Variants in DSG2 observed in about 807,000 individuals in gnomAD.
DSG2 encodes the protein desmoglein 2.
A neutral mutation model predicts 75.6 loss-of-function variants in DSG2; 45 were observed. The ratio of observed to expected loss-of-function variants is 0.60; its 90% CI spans 0.47 to 0.76. The LOEUF (loss-of-function observed/expected upper bound fraction) is 0.76, where lower values mean the gene tolerates loss of function less well. Ranked by LOEUF, DSG2 falls within the 30% of genes least tolerant of loss-of-function variation. The pLI is 0.00. For synonymous variants in DSG2, 429 were observed against 483.9 expected (o/e 0.89, Z 1.49); for missense variants, 1,267 against 1,357.4 (o/e 0.93, Z 1.05).
chr18:31,516,957 G>A (rs2073097956), intron 1 of DSG2, among the ~76,000 whole-genome samples: 1 of 152,160 alleles, frequency 6.6e-6, no homozygotes, highest in African/African-American at 2.4e-5. Context: ...TGTGGCTGTG[G>A]AGCAACTGGA....
intron 1 of DSG2, among the ~76,000 whole-genome samples, chr18:31,503,925 G>A (rs9945031): frequency 0.56 from 85,347 of 152,022 alleles, 26,709 homozygotes; most frequent in African/African-American, 0.86. Flanking sequence ...AATTGGGCAC[G>A]TGTGAAGAAT....
At chr18:31,541,420 G>A in intron 13 of DSG2, 106 bp downstream of exon 13, 1 of 1,391,714 alleles carries the variant, frequency 7.2e-7, no homozygotes, top group South Asian at 1.2e-5. Flanking sequence ...TGATCACTAT[G>A]GATTTCACTC....
chr18:31,532,671 A>G (rs553059291), intron 9 of DSG2, among the ~76,000 whole-genome samples: 2 of 152,216 alleles, frequency 1.3e-5, no homozygotes, highest in South Asian at 2.1e-4. Flanking sequence ...TTGGCCCACT[A>G]TGGTCCTCTT....
rs3737375 is a variant in DSG2 at position 31,524,241 on chromosome 18, G to A, written c.691-207G>A. On this transcript the variant is annotated intron_variant, in intron 6 of 14. Coordinates refer to ENST00000261590, the MANE Select transcript of DSG2 (RefSeq NM_001943.5). ...TCACCAATGACTTATTGAAGAATTT[G>A]ACTATCTACAACTCCCGAGGCTTTT... Among the ~76,000 whole-genome samples, 34,808 of 152,000 alleles carry A rather than the reference G, an allele frequency of 0.23. 4,336 individuals are homozygous for A. Among genetic ancestry groups the A allele is most frequent in the East Asian group, 0.3 (1,531 of 5,180 alleles).
intron 14 of DSG2, among the ~76,000 whole-genome samples, chr18:31,543,880 A>AAT (rs1160997536): frequency 1.3e-5 from 2 of 151,804 alleles, no homozygotes; most frequent in Non-Finnish European, 2.9e-5. Context: ...AAAAAAAAAA[A>AAT]AAAAGTATAA....
intron 11 of DSG2, 91 bp from the exon 12 acceptor site, chr18:31,538,660 A>G: frequency 9.6e-7 from 1 of 1,039,058 alleles, no homozygotes; most frequent in Non-Finnish European, 1.5e-6. Context: ...GTTAAATACA[A>G]TCAGCAATGA....
intron 13 of DSG2, among the ~76,000 whole-genome samples, chr18:31,541,612 G>A (rs1232978420): frequency 6.6e-6 from 1 of 152,162 alleles, no homozygotes; most frequent in Non-Finnish European, 1.5e-5. Context: ...TAAATGGGCA[G>A]TTTTCATAAC....
At chr18:31,512,731 A>G (rs1037571369) in intron 1 of DSG2, among the ~76,000 whole-genome samples, 4 of 152,104 alleles carry the variant, frequency 2.6e-5, no homozygotes, top group South Asian at 2.1e-4. Context: ...CATACCATTC[A>G]CGTCTCTGTG....
intron 8 of DSG2, among the ~76,000 whole-genome samples, chr18:31,525,385 G>A (rs964405626): frequency 2.0e-5 from 3 of 152,040 alleles, no homozygotes; most frequent in African/African-American, 4.8e-5. Flanking sequence ...TGGGCATGGC[G>A]GCACATGCCT....
intron 14 of DSG2, chr18:31,543,126 G>C (rs1166662687): frequency 1.2e-5 from 4 of 330,710 alleles, no homozygotes; most frequent in South Asian, 7.6e-5. Flanking sequence ...CAGTCAGTCA[G>C]CTCTGCTTTC....
rs727502986 is a variant in DSG2 at position 31,524,563 on chromosome 18, T to C, written c.806T>C (p.Ile269Thr). The change falls in exon 7 of 15, where the codon ATA (isoleucine) becomes ACA (threonine). Residue 269 changes from isoleucine to threonine, a missense_variant. Transcript: ENST00000261590. ...CGTATTTTGGATGTCAATGACAATA[T>C]ACCTGTAGTAGAAAATAAAGTGGTA... Reference protein sequence around the residue: ...QIRILDVNDNIPVVENKVLEG... With the variant: ...QIRILDVNDNTPVVENKVLEG... The C allele has an allele frequency of 1.3e-5, 21 of 1,613,942 alleles. No individual in the cohort carries two copies. The Admixed American group carries it at 3.5e-4, about 27-fold the overall frequency.
chr18:31,532,726 A>G (rs746526393), intron 9 of DSG2, among the ~76,000 whole-genome samples: 2 of 152,166 alleles, frequency 1.3e-5, no homozygotes, highest in Non-Finnish European at 1.5e-5. Context: ...TCTCAGCTCT[A>G]TAACCTCACA....
rs1160138667 is a variant in DSG2, at chr18:31,545,802, T to C, written c.2416T>C (p.Ser806Pro). 1.2e-6 allele frequency: 2 copies of C among 1,614,220 alleles called. No homozygotes were observed. Among genetic ancestry groups the C allele is most frequent in the South Asian group, 1.1e-5 (1 of 91,082 alleles). The stretch of plus-strand genomic sequence containing the variant: ...GGTTTATTCTCAGGAAGAAACTGAA[T>C]CGCTGAATGCTTCTATTGGTTGTTG... The part of the protein sequence containing the change: ...LLVYSQEETE[S>P]LNASIGCCSF... The change falls in exon 15 of 15, where the codon TCG (serine) becomes CCG (proline). Residue 806 changes from serine to proline, a missense_variant. Coordinates refer to ENST00000261590, the MANE Select transcript of DSG2 (RefSeq NM_001943.5).
intron 13 of DSG2, 83 bp from the exon 14 acceptor site, chr18:31,542,437 C>T (rs2073274100): frequency 6.8e-7 from 1 of 1,471,350 alleles, no homozygotes; most frequent in East Asian, 2.3e-5. Flanking sequence ...TTCCTATGCC[C>T]ACTTGACTCA....
chr18:31,528,204 C>T (rs1050479480), intron 8 of DSG2, among the ~76,000 whole-genome samples: 1 of 151,660 alleles, frequency 6.6e-6, no homozygotes, highest in African/African-American at 2.4e-5. Flanking sequence ...GGTTTCCACC[C>T]AAGAAAAATA....
At chr18:31,511,780 A>G (rs2073068421) in intron 1 of DSG2, among the ~76,000 whole-genome samples, 1 of 152,162 alleles carries the variant, frequency 6.6e-6, no homozygotes, top group Non-Finnish European at 1.5e-5. Flanking sequence ...TCACGAGTGC[A>G]CTGAATCTTC....
chr18:31,502,025 T>C (rs1323297481), intron 1 of DSG2, among the ~76,000 whole-genome samples: 1 of 152,210 alleles, frequency 6.6e-6, no homozygotes. Context: ...TATCCAAGGA[T>C]TTTAGAAACA....
At chr18:31,499,231 G>A (rs1444900694) in intron 1 of DSG2, among the ~76,000 whole-genome samples, 1 of 152,178 alleles carries the variant, frequency 6.6e-6, no homozygotes, top group Non-Finnish European at 1.5e-5. Context: ...GAGATTAGAT[G>A]CAAAATCATA....
At chr18:31,500,791 G>T (rs1462665834) in intron 1 of DSG2, among the ~76,000 whole-genome samples, 1 of 152,170 alleles carries the variant, frequency 6.6e-6, no homozygotes, top group Non-Finnish European at 1.5e-5. Context: ...TAAAATCAGA[G>T]AATATTTCCT....
Sources: gnomAD v4.1 joint callset for allele counts (sites outside exome capture counted in the v4.1 genomes callset) on GRCh38, gnomAD v4.1.1 for gene constraint, MANE v1.5 for transcripts, NCBI Gene and HGNC (gene_info 2026-07-23, HGNC 2026-07-21) for gene names.